SLC45A4: variants seen among roughly 807,000 people sequenced by gnomAD.
SLC45A4 encodes solute carrier family 45 member 4, also known as polyamine-transporter SLC45A4.
Under a neutral mutation model 63.7 loss-of-function variants are expected in SLC45A4, and 32 were observed. The ratio of observed to expected loss-of-function variants is 0.50; its 90% CI spans 0.38 to 0.67. The LOEUF is 0.67. Ranked by LOEUF, SLC45A4 falls within the 30% of genes least tolerant of loss-of-function variation. The pLI is 0.00. For synonymous variants in SLC45A4, 535 were observed against 510.0 expected, an observed-to-expected ratio of 1.05 and a Z score of -0.66; for missense variants, 1,027 against 1,157.7, an observed-to-expected ratio of 0.89 and a Z score of 1.64.
chr8:141,232,389 T>C (rs1481516339), intron 2 of SLC45A4, among the ~76,000 whole-genome samples: 2 of 152,268 alleles, frequency 1.3e-5, no homozygotes, highest in Non-Finnish European at 2.9e-5. Context: ...GCCACCCTTA[T>C]ATACTGCTGT....
intron 1 of SLC45A4, among the ~76,000 whole-genome samples, chr8:141,263,359 T>C (rs929768884): frequency 4.6e-5 from 7 of 150,670 alleles, no homozygotes; most frequent in Non-Finnish European, 7.4e-5. Context: ...AAACTTAAAG[T>C]ATAATAATAA....
At chr8:141,284,960 C>T (rs772412230) in intron 1 of SLC45A4, among the ~76,000 whole-genome samples, 2 of 151,768 alleles carry the variant, frequency 1.3e-5, no homozygotes, top group Non-Finnish European at 2.9e-5. Context: ...CCCCACACCC[C>T]GACTCCCTGG....
intron 1 of SLC45A4, among the ~76,000 whole-genome samples, chr8:141,280,773 C>T (rs984651123): frequency 2.0e-5 from 3 of 152,240 alleles, no homozygotes; most frequent in African/African-American, 7.2e-5. Flanking sequence ...GAGCCTGACT[C>T]GCACAGGTAA....
intron 2 of SLC45A4, among the ~76,000 whole-genome samples, chr8:141,233,461 C>G (rs898165951): frequency 1.3e-5 from 2 of 152,082 alleles, no homozygotes; most frequent in African/African-American, 4.8e-5. Flanking sequence ...TGAGGCAGAT[C>G]ACTTGAGGCC....
At chr8:141,259,286 CACGCCTTGGG>C (rs1304045978) in intron 1 of SLC45A4, among the ~76,000 whole-genome samples, 3 of 152,262 alleles carry the variant, frequency 2.0e-5, no homozygotes, top group Admixed American at 2.0e-4. Flanking sequence ...AAGACGGCTT[CACGCCTTGGG>C]ACACTGCTGA....
chr8:141,221,741 A>T lies in SLC45A4; in HGVS notation c.266T>A (p.Leu89His), dbSNP rs145136708. Residue 89 changes from leucine (L) to histidine (H), a missense_variant, in exon 3 of 9, where the codon CTC becomes CAC. Transcript: ENST00000517878. ...AAGGATGGGGCTCAGGAACCAGGTGAGGCTGTAGTACTGCTCCGGAAGGCC... is the reference window on the plus strand; with the variant it reads ...AAGGATGGGGCTCAGGAACCAGGTGTGGCTGTAGTACTGCTCCGGAAGGCC... The part of the protein sequence containing the change: ...QIGLPEQYYS[L>H]TWFLSPILGL... 1 of 1,613,926 alleles carries T rather than the reference A, an allele frequency of 6.2e-7. No homozygotes were observed. Among genetic ancestry groups the T allele is most frequent in the Non-Finnish European group, 8.5e-7 (1 of 1,180,038 alleles).
chr8:141,224,609 C>T (rs1826862243), intron 2 of SLC45A4: 2 of 152,248 alleles, frequency 1.3e-5, no homozygotes, highest in African/African-American at 4.8e-5. Context: ...CCACCACACC[C>T]GGCGGCTAAT....
chr8:141,299,682 A>G (rs1297440957), intron 1 of SLC45A4, among the ~76,000 whole-genome samples: 2 of 152,168 alleles, frequency 1.3e-5, no homozygotes, highest in South Asian at 4.1e-4. Context: ...TTATTCTAGT[A>G]CTCCTGGCTG....
At chr8:141,291,161 A>G (rs4961264) in intron 1 of SLC45A4, among the ~76,000 whole-genome samples, 144,481 of 152,306 alleles carry the variant, frequency 0.95, 69,012 homozygotes, top group Middle Eastern at 1. Context: ...CTGGAATTAC[A>G]GGCATGAGCC....
Position 141,302,328 on chromosome 8 carries a change from T to C in SLC45A4, c.-401+5768A>G, listed in dbSNP as rs1002051212. 8.5e-5 allele frequency among the ~76,000 whole-genome samples: 13 copies of C among 152,180 alleles called. No individual in the cohort carries two copies. The East Asian group carries it at 1.9e-3, about 23-fold the overall frequency. ...AGGCTGGAGTGAAGTGGCGCAATCT[T>C]GGCTCACTGCAACCTCCACGCCACT... On this transcript the variant is annotated intron_variant, in intron 1 of 8. Transcript: ENST00000517878.
At chr8:141,247,482 A>G (rs138530454) in intron 2 of SLC45A4, among the ~76,000 whole-genome samples, 1,588 of 152,346 alleles carry the variant, frequency 0.01, 25 homozygotes, top group African/African-American at 0.036. Context: ...TATAGATTCA[A>G]TGCAATTCCA....
chr8:141,254,741 A>G lies in SLC45A4; in HGVS notation c.-400-112T>C. 1 of 682,144 alleles carries G rather than the reference A, an allele frequency of 1.5e-6. No homozygotes were observed. 42.3% of individuals were successfully genotyped at this position (682,144 alleles called of 1,614,324 possible). ...CCGTGTGCCCCGAGGGCCCGACCCA[A>G]GATCACACAGCTCTCTGCCACTCAC... On this transcript the variant is annotated intron_variant, in intron 1 of 8. Transcript: ENST00000517878. This position sits in a 1 kb window ranked among gnomAD's most constrained non-coding sequence, Gnocchi z 4.5.
At chr8:141,299,535 C>T (rs1226090154) in intron 1 of SLC45A4, among the ~76,000 whole-genome samples, 1 of 152,202 alleles carries the variant, frequency 6.6e-6, no homozygotes, top group Non-Finnish European at 1.5e-5. Flanking sequence ...GACAGCAGAG[C>T]GGCCGTGGCC....
At chr8:141,241,723 C>A (rs1226460300) in intron 2 of SLC45A4, among the ~76,000 whole-genome samples, 1 of 152,116 alleles carries the variant, frequency 6.6e-6, no homozygotes, top group African/African-American at 2.4e-5. Context: ...AGCCAGAGGT[C>A]TGGGCACCCC....
In SLC45A4 at chr8:141,268,696, T is replaced by A. The variant is rs527281112; in HGVS notation, c.-400-14067A>T. Among the ~76,000 whole-genome samples, 18 of 152,324 alleles carry A rather than the reference T, an allele frequency of 1.2e-4. No individual in the cohort carries two copies. The South Asian group carries it at 3.7e-3, about 32-fold the overall frequency. ...AAAAACTCCTGATAATCCCTGGTTG[T>A]CCAGTGTTAGGAAGAAACCAAAACT... On this transcript the variant is annotated intron_variant, in intron 1 of 8. Transcript: ENST00000517878.
chr8:141,282,102 T>C (rs546055321), intron 1 of SLC45A4, among the ~76,000 whole-genome samples: 77 of 152,194 alleles, frequency 5.1e-4, no homozygotes, highest in African/African-American at 1.8e-3. Flanking sequence ...GGAACCTCCT[T>C]TGGAAGTAGG....
At chr8:141,306,165 C>G (rs1830893079) in intron 1 of SLC45A4, among the ~76,000 whole-genome samples, 1 of 152,208 alleles carries the variant, frequency 6.6e-6, no homozygotes, top group African/African-American at 2.4e-5. Flanking sequence ...CAGCAGGCCA[C>G]TCCCCCCACG....
chr8:141,273,988 G>C (rs1297250692), intron 1 of SLC45A4, among the ~76,000 whole-genome samples: 1 of 152,064 alleles, frequency 6.6e-6, no homozygotes, highest in Non-Finnish European at 1.5e-5. Context: ...CCAGCACTTT[G>C]GGAGGCCGAG....
rs1432753372 is a variant in SLC45A4, at chr8:141,227,576, G to A, written c.242-5811C>T. Among the ~76,000 whole-genome samples the A allele has an allele frequency of 6.6e-6, 1 of 152,130 alleles. No individual in the cohort carries two copies. The highest frequency in any genetic ancestry group is 2.4e-5 in the African/African-American group (1 of 41,418). On this transcript the variant is annotated intron_variant, in intron 2 of 8. Coordinates refer to ENST00000517878, the MANE Select transcript of SLC45A4 (RefSeq NM_001286646.2). The surrounding 1 kb of genome is among the most constrained non-coding windows in gnomAD (Gnocchi z 4.4). Reference sequence around the variant, plus strand: ...CACTGTCAGGAGCCACTTCTGAAGGGCCCCAGACAGGAAAGACACTGGGCC... The same window carrying A: ...CACTGTCAGGAGCCACTTCTGAAGGACCCCAGACAGGAAAGACACTGGGCC...
Sources: gnomAD v4.1 joint callset for allele counts (sites outside exome capture counted in the v4.1 genomes callset) on GRCh38, gnomAD v4.1.1 for gene constraint, Gnocchi (gnomAD v3.1) non-coding constraint, MANE v1.5 for transcripts, NCBI Gene and HGNC (gene_info 2026-07-23, HGNC 2026-07-21) for gene names.